Variants in MBNL2 observed in about 807,000 individuals in gnomAD.
The protein encoded by MBNL2 is muscleblind-like protein 2.
MBNL2 carries 17 observed loss-of-function variants against 41.9 expected under a neutral mutation model. The ratio of observed to expected loss-of-function variants is 0.41; its 90% CI spans 0.28 to 0.61. The LOEUF (loss-of-function observed/expected upper bound fraction) is 0.61. MBNL2 is among the 20% of genes least tolerant of loss of function. The probability of loss-of-function intolerance (pLI) is 0.35; values close to 1 mark genes in which losing one functional copy is unlikely to be tolerated. For missense variants in MBNL2, 336 were observed against 505.6 expected, an observed-to-expected ratio of 0.66 and a Z score of 3.22; for synonymous variants, 195 against 182.9, an observed-to-expected ratio of 1.07 and a Z score of -0.53.
chr13:97,365,533 G>T (rs983132183), intron 8 of MBNL2, among the ~76,000 whole-genome samples: 18 of 152,196 alleles, frequency 1.2e-4, no homozygotes, highest in African/African-American at 4.3e-4. Flanking sequence ...TTTCATAGTG[G>T]TGTGCCTTTA....
rs1408697218 is a variant in MBNL2, at chr13:97,392,356, A to T, written c.*907A>T. 6.6e-6 allele frequency: 1 copy of T among 152,602 alleles called. No individual in the cohort carries two copies. Among genetic ancestry groups the T allele is most frequent in the Non-Finnish European group, 1.5e-5 (1 of 68,008 alleles). The allele number at this position is 152,602 out of a possible 1,614,324, so 9.5% of individuals were successfully genotyped here. A position where few individuals can be genotyped will look rare whatever the true frequency, so the allele number is the denominator to read the frequency against. On this transcript the variant is annotated 3_prime_UTR_variant, in exon 9 of 9. Transcript: ENST00000679496. The stretch of plus-strand genomic sequence containing the variant: ...TTTGAGTTTAGTCACTGCAAATTTG[A>T]CTGTGACTTTAATCTAAATTACTAT...
chr13:97,201,689 T>C, the MBNL2 span, among the ~76,000 whole-genome samples: 1 of 152,238 alleles, frequency 6.6e-6, no homozygotes, highest in African/African-American at 2.4e-5. Flanking sequence ...TTGAAAATTC[T>C]GAATTATTTA....
chr13:97,258,368 T>G (rs2047959229), intron 1 of MBNL2, among the ~76,000 whole-genome samples: 1 of 152,218 alleles, frequency 6.6e-6, no homozygotes, highest in Non-Finnish European at 1.5e-5. Flanking sequence ...GTTTGAGTCA[T>G]TGCTCATCGA....
intron 1 of MBNL2, among the ~76,000 whole-genome samples, chr13:97,264,104 G>T (rs764800752): frequency 1.3e-5 from 2 of 149,972 alleles, no homozygotes; most frequent in African/African-American, 4.9e-5. Context: ...TCTGCCTCCC[G>T]AGTAGCTGGG....
At chr13:97,229,234 A>G (rs547181599) in intron 1 of MBNL2, among the ~76,000 whole-genome samples, 29 of 151,160 alleles carry the variant, frequency 1.9e-4, no homozygotes, top group Non-Finnish European at 3.5e-4. Flanking sequence ...GTGTTCTCAG[A>G]GTTCAGGAAA....
At chr13:97,188,131 A>C in the MBNL2 span, among the ~76,000 whole-genome samples, 1 of 152,174 alleles carries the variant, frequency 6.6e-6, no homozygotes, top group African/African-American at 2.4e-5. Context: ...GAAGTTACAA[A>C]AGGTGAGAGG....
chr13:97,222,673 C>A (rs1008891309), intron 1 of MBNL2, 142 bp downstream of exon 1: 1 of 389,842 alleles, frequency 2.6e-6, no homozygotes, highest in Non-Finnish European at 4.5e-6. Context: ...TGGAGTTTTA[C>A]GTAACATTTT....
chr13:97,247,221 C>A (rs1487953065), intron 1 of MBNL2, among the ~76,000 whole-genome samples: 1 of 152,072 alleles, frequency 6.6e-6, no homozygotes, highest in East Asian at 1.9e-4. Flanking sequence ...TAGTATGTTT[C>A]TTTACAAAGT....
the MBNL2 span, among the ~76,000 whole-genome samples, chr13:97,144,236 A>G: frequency 6.6e-6 from 1 of 152,096 alleles, no homozygotes; most frequent in Non-Finnish European, 1.5e-5. Flanking sequence ...CTTAGCAGCA[A>G]CAGCTGGGAA....
chr13:97,254,741 T>C (rs1401087043), intron 1 of MBNL2, among the ~76,000 whole-genome samples: 1 of 152,212 alleles, frequency 6.6e-6, no homozygotes, highest in Non-Finnish European at 1.5e-5. Context: ...GCATAAATTT[T>C]TAACAAAAAC....
chr13:97,386,106 TC>T lies in MBNL2; in HGVS notation c.1049-5215del, dbSNP rs374994386. Among the ~76,000 whole-genome samples, 449 of 152,340 alleles carry T rather than the reference TC, an allele frequency of 2.9e-3. 2 individuals carry two copies. The highest frequency in any genetic ancestry group is 0.01 in the African/African-American group (426 of 41,576). On this transcript the variant is annotated intron_variant, in intron 8 of 8. Transcript: ENST00000679496. ...AGAGGGTGCCTTGTTGGTCACATACTCTCTTTCTTTGGGCGAAAGCCAAATG... is the reference window on the plus strand; with the variant it reads ...AGAGGGTGCCTTGTTGGTCACATACTTCTTTCTTTGGGCGAAAGCCAAATG...
chr13:97,228,661 C>G (rs1474102503), intron 1 of MBNL2, among the ~76,000 whole-genome samples: 1 of 151,598 alleles, frequency 6.6e-6, no homozygotes, highest in Non-Finnish European at 1.5e-5. Context: ...TCCCAAGTAG[C>G]TGGGATCACA....
At chr13:97,234,327 C>T (rs956996979) in intron 1 of MBNL2, among the ~76,000 whole-genome samples, 14 of 152,148 alleles carry the variant, frequency 9.2e-5, no homozygotes, top group African/African-American at 3.4e-4. Context: ...CAGTATGGCA[C>T]CTCCCTAATT....
intron 8 of MBNL2, among the ~76,000 whole-genome samples, chr13:97,373,308 A>C (rs1472588225): frequency 6.6e-6 from 1 of 151,920 alleles, no homozygotes; most frequent in Non-Finnish European, 1.5e-5. Flanking sequence ...TTACATTCTA[A>C]CTGTAGAGGG....
rs1179006091 is a variant in MBNL2 at position 97,222,488 on chromosome 13, C to T, written c.-648C>T. ...CGGCCACTTGGTTCTGCCAGATGTTCCTGGGGTTACTGTAAATGGGAAGGA... is the reference window on the plus strand; with the variant it reads ...CGGCCACTTGGTTCTGCCAGATGTTTCTGGGGTTACTGTAAATGGGAAGGA... On this transcript the variant is annotated 5_prime_UTR_variant, in exon 1 of 9. Coordinates refer to ENST00000679496, the MANE Select transcript of MBNL2 (RefSeq NM_001382683.1). 7.5e-6 allele frequency: 3 copies of T among 398,486 alleles called. No homozygotes were observed. Among genetic ancestry groups the T allele is most frequent in the African/African-American group, 6.2e-5 (3 of 48,610 alleles). The allele number at this position is 398,486 out of a possible 1,614,324, so 24.7% of individuals were successfully genotyped here. A position where few individuals can be genotyped will look rare whatever the true frequency, so the allele number is the denominator to read the frequency against.
intron 2 of MBNL2, among the ~76,000 whole-genome samples, chr13:97,284,129 G>A (rs2053968711): frequency 6.6e-6 from 1 of 152,144 alleles, no homozygotes; most frequent in African/African-American, 2.4e-5. Flanking sequence ...CAAACCGTGT[G>A]GTTTAAAACA....
At chr13:97,249,832 G>C (rs2046179760) in intron 1 of MBNL2, among the ~76,000 whole-genome samples, 1 of 152,208 alleles carries the variant, frequency 6.6e-6, no homozygotes, top group Non-Finnish European at 1.5e-5. Context: ...AAGTTCTATA[G>C]ACATATTTCT....
intron 1 of MBNL2, among the ~76,000 whole-genome samples, chr13:97,245,306 G>A (rs540130116): frequency 6.6e-6 from 1 of 152,270 alleles, no homozygotes; most frequent in East Asian, 1.9e-4. Flanking sequence ...TAAGCTCCCA[G>A]GGAAAAAGTG....
intron 2 of MBNL2, among the ~76,000 whole-genome samples, chr13:97,327,782 A>C (rs2060032157): frequency 6.6e-6 from 1 of 152,174 alleles, no homozygotes. Context: ...TGACAGAATG[A>C]GAATAGCAAA....
Sources: allele counts gnomAD v4.1 joint callset (sites outside exome capture counted in the v4.1 genomes callset), GRCh38; gene constraint gnomAD v4.1.1; transcripts MANE v1.5; gene names NCBI Gene and HGNC (gene_info 2026-07-23, HGNC 2026-07-21).